The following LY86 variants were observed in gnomAD, a reference collection of about 807,000 sequenced individuals.
LY86 encodes MD-1, RP105-associated.
In LY86, 20 loss-of-function variants were observed where a neutral mutation model predicts 17.3. The observed-to-expected ratio is 1.15, with a 90% CI of 0.81 to 1.68. The LOEUF (loss-of-function observed/expected upper bound fraction) is 1.68, where lower values mean the gene tolerates loss of function less well. Among genes scored for constraint, LY86 ranks in the 40% most tolerant of loss-of-function variants. LY86 has a pLI of 0.00. For synonymous variants in LY86, 74 were observed against 70.6 expected, an observed-to-expected ratio of 1.05 and a Z score of -0.24; for missense variants, 200 against 191.9, an observed-to-expected ratio of 1.04 and a Z score of -0.25.
At chr6:6,616,385 A>G (rs532473221) in intron 1 of LY86, among the ~76,000 whole-genome samples, 9 of 152,276 alleles carry the variant, frequency 5.9e-5, no homozygotes, top group Non-Finnish European at 8.8e-5. Flanking sequence ...CCGCACAGCA[A>G]CCAGGGTGCA....
intron 1 of LY86, among the ~76,000 whole-genome samples, chr6:6,614,654 T>C (rs1761504593): frequency 1.3e-5 from 2 of 152,218 alleles, no homozygotes; most frequent in Admixed American, 1.3e-4. Context: ...TCTCTTCAGC[T>C]TTGTTCTCTT....
chr6:6,593,544 C>G (rs185694631), intron 1 of LY86, among the ~76,000 whole-genome samples: 1 of 152,160 alleles, frequency 6.6e-6, no homozygotes, highest in Non-Finnish European at 1.5e-5. Context: ...GTGAGAAGGA[C>G]TATATGAAAG....
intron 1 of LY86, among the ~76,000 whole-genome samples, chr6:6,601,730 G>GA (rs1041379981): frequency 3.3e-4 from 49 of 150,318 alleles, no homozygotes; most frequent in Non-Finnish European, 5.3e-4. Flanking sequence ...GAAAAAAAAA[G>GA]AAAAAAAAAG....
chr6:6,654,850 T>C lies in LY86; in HGVS notation c.*223T>C, dbSNP rs1288286122. Reference sequence around the variant, plus strand: ...AATGTATCTGTTTCTAAGGAGCCTCTTGGCAGTCCTTAAGCAGTCTTGAGG... The same window carrying C: ...AATGTATCTGTTTCTAAGGAGCCTCCTGGCAGTCCTTAAGCAGTCTTGAGG... On this transcript the variant is annotated 3_prime_UTR_variant, in exon 5 of 5. Coordinates refer to ENST00000230568, the MANE Select transcript of LY86 (RefSeq NM_004271.4). 3.7e-6 allele frequency: 2 copies of C among 541,786 alleles called. No individual in the cohort carries two copies. The highest frequency in any genetic ancestry group is 6.1e-5 in the East Asian group (2 of 32,602). The allele number at this position is 541,786 out of a possible 1,614,324, so 33.6% of individuals were successfully genotyped here.
chr6:6,645,429 A>C (rs1366714370), intron 3 of LY86, among the ~76,000 whole-genome samples: 1 of 152,116 alleles, frequency 6.6e-6, no homozygotes, highest in Non-Finnish European at 1.5e-5. Flanking sequence ...TTCGATTTGC[A>C]AGCACAAAAG....
At chr6:6,596,482 CTTCAT>C (rs926122754) in intron 1 of LY86, among the ~76,000 whole-genome samples, 64 of 152,286 alleles carry the variant, frequency 4.2e-4, no homozygotes, top group African/African-American at 1.4e-3. Flanking sequence ...CAATTTCTCT[CTTCAT>C]TTATTTTCCC....
chr6:6,611,597 C>T (rs193037743), intron 1 of LY86, among the ~76,000 whole-genome samples: 3 of 152,312 alleles, frequency 2.0e-5, no homozygotes, highest in Non-Finnish European at 1.5e-5. Context: ...CAAGGCAAAG[C>T]GCTGCTACCT....
intron 1 of LY86, among the ~76,000 whole-genome samples, chr6:6,595,856 G>A (rs138909112): frequency 1.4e-4 from 21 of 152,214 alleles, no homozygotes; most frequent in East Asian, 9.7e-4. Context: ...GTCAGTGAGC[G>A]GGGAGGGGAG....
chr6:6,591,582 T>C (rs1263957040), intron 1 of LY86: 1 of 153,622 alleles, frequency 6.5e-6, no homozygotes, highest in Non-Finnish European at 1.5e-5. Flanking sequence ...CTAAGTACTT[T>C]ACATGCATCA....
At chr6:6,604,344 A>T (rs1209951115) in intron 1 of LY86, among the ~76,000 whole-genome samples, 1 of 152,156 alleles carries the variant, frequency 6.6e-6, no homozygotes, top group African/African-American at 2.4e-5. Flanking sequence ...TTCTTTAATT[A>T]AAAAAACTCA....
At chr6:6,612,386 T>C (rs1313586858) in intron 1 of LY86, among the ~76,000 whole-genome samples, 1 of 152,200 alleles carries the variant, frequency 6.6e-6, no homozygotes, top group African/African-American at 2.4e-5. Context: ...TAATCATTTA[T>C]TTTCCCCCAG....
intron 3 of LY86, among the ~76,000 whole-genome samples, chr6:6,633,339 A>T (rs1385918764): frequency 1.3e-5 from 2 of 152,272 alleles, no homozygotes; most frequent in African/African-American, 4.8e-5. Flanking sequence ...GATTAAAGCC[A>T]TAAAGTAAAT....
At chr6:6,631,330 G>T (rs1401267056) in intron 3 of LY86, among the ~76,000 whole-genome samples, 2 of 152,210 alleles carry the variant, frequency 1.3e-5, no homozygotes, top group African/African-American at 4.8e-5. Context: ...CCAGCGGGGG[G>T]TGGAACTGGG....
chr6:6,606,529 G>A (rs1226043587), intron 1 of LY86, among the ~76,000 whole-genome samples: 2 of 152,296 alleles, frequency 1.3e-5, no homozygotes, highest in South Asian at 2.1e-4. Flanking sequence ...AGGGGGCGGC[G>A]CTCGTCGGGG....
At chr6:6,616,306 C>T (rs1761552731) in intron 1 of LY86, among the ~76,000 whole-genome samples, 1 of 152,200 alleles carries the variant, frequency 6.6e-6, no homozygotes, top group South Asian at 2.1e-4. Context: ...TATCTGGACT[C>T]GTTTCGCCTC....
chr6:6,591,775 T>C (rs1049856278), intron 1 of LY86, among the ~76,000 whole-genome samples: 5 of 152,178 alleles, frequency 3.3e-5, no homozygotes, highest in Admixed American at 6.5e-5. Context: ...CCAGAACCCA[T>C]GCTCTAAAAC....
intron 1 of LY86, among the ~76,000 whole-genome samples, chr6:6,603,382 C>T (rs1490402971): frequency 6.6e-5 from 10 of 151,926 alleles, no homozygotes; most frequent in Non-Finnish European, 8.8e-5. Flanking sequence ...AAATTACCCA[C>T]ACATCTAAGG....
intron 3 of LY86, among the ~76,000 whole-genome samples, chr6:6,637,160 C>T (rs537030273): frequency 2.0e-5 from 3 of 152,016 alleles, no homozygotes; most frequent in Non-Finnish European, 4.4e-5. Context: ...CTAGAGGCGC[C>T]CGCCATCACG....
Position 6,639,964 on chromosome 6 carries a change from C to T in LY86, c.353-9661C>T, listed in dbSNP as rs143140563. 3.5e-4 allele frequency among the ~76,000 whole-genome samples: 53 copies of T among 152,290 alleles called. No individual in the cohort carries two copies. In the East Asian group the frequency reaches 5.0e-3, roughly 14 times the overall value. ...TTAAAATGCTTTCATAGAAGTCCAA[C>T]AACTCTGAGAACTTCACAGATAATG... On this transcript the variant is annotated intron_variant, in intron 3 of 4. Transcript: ENST00000230568.
Sources: gnomAD v4.1 joint callset for allele counts (sites outside exome capture counted in the v4.1 genomes callset) on GRCh38, gnomAD v4.1.1 for gene constraint, MANE v1.5 for transcripts, NCBI Gene and HGNC (gene_info 2026-07-23, HGNC 2026-07-21) for gene names.